NLGN1: variants seen among roughly 807,000 people sequenced by gnomAD.
The protein encoded by NLGN1 is neuroligin-1.
NLGN1 carries 12 observed loss-of-function variants against 65.5 expected under a neutral mutation model. The ratio of observed to expected loss-of-function variants is 0.18; its 90% CI spans 0.12 to 0.30. The LOEUF is 0.30. Among genes scored for constraint, NLGN1 ranks in the 10% least tolerant of loss-of-function variants. NLGN1 has a pLI of 1.00. For missense variants in NLGN1, 750 were observed against 1,007.1 expected (o/e 0.74, Z 3.46); for synonymous variants, 350 against 359.5 (o/e 0.97, Z 0.30).
chr3:173,632,837 GTTTTTTTTTTTGTT>G (rs1390330880), intron 3 of NLGN1, among the ~76,000 whole-genome samples: 3 of 117,792 alleles, frequency 2.5e-5, no homozygotes, highest in Non-Finnish European at 5.2e-5. Flanking sequence ...CTTGAGTAGT[GTTTTTTTTTTTGTT>G]TTTTTTTTTT....
intron 3 of NLGN1, among the ~76,000 whole-genome samples, chr3:173,686,697 A>G (rs1014963652): frequency 7.2e-5 from 11 of 152,118 alleles, no homozygotes; most frequent in African/African-American, 1.7e-4. Flanking sequence ...GCTCACACCT[A>G]TAATCCCAGC....
intron 4 of NLGN1, among the ~76,000 whole-genome samples, chr3:173,812,405 C>T (rs1237767765): frequency 3.9e-5 from 6 of 151,956 alleles, no homozygotes; most frequent in Admixed American, 1.3e-4. Context: ...AATAATGCTT[C>T]AAGTATTATT....
At chr3:173,894,883 C>T (rs543019105) in intron 4 of NLGN1, among the ~76,000 whole-genome samples, 5 of 146,746 alleles carry the variant, frequency 3.4e-5, no homozygotes, top group East Asian at 3.9e-4. Flanking sequence ...GTGATCCACC[C>T]GCCTCGGCCT....
chr3:174,012,876 G>C (rs1725827636), intron 4 of NLGN1, among the ~76,000 whole-genome samples: 1 of 152,084 alleles, frequency 6.6e-6, no homozygotes, highest in Admixed American at 6.6e-5. Flanking sequence ...GTTAAGCAAG[G>C]GCTTCAATTT....
intron 3 of NLGN1, among the ~76,000 whole-genome samples, chr3:173,700,405 T>A (rs1459731747): frequency 6.6e-6 from 1 of 152,218 alleles, no homozygotes; most frequent in African/African-American, 2.4e-5. Context: ...AAAGATGTAT[T>A]CAGGTCTCTG....
At chr3:174,285,655 A>C (rs1476242066) in exon 7 of NLGN1, 1 of 151,470 alleles carries the variant, frequency 6.6e-6, no homozygotes, top group East Asian at 2.0e-4. Context: ...TTCTGATTTG[A>C]TTTTATTCTG....
At chr3:174,286,852 C>T (rs1324905064), downstream of NLGN1, among the ~76,000 whole-genome samples, 1 of 150,930 alleles carries the variant, frequency 6.6e-6, no homozygotes, top group Non-Finnish European at 1.5e-5. Context: ...ATTTGGGGAG[C>T]TGGACACAAC....
chr3:173,855,856 C>T (rs1021549461), intron 4 of NLGN1, among the ~76,000 whole-genome samples: 1 of 151,986 alleles, frequency 6.6e-6, no homozygotes, highest in Admixed American at 6.6e-5. Flanking sequence ...ATTATGGTGG[C>T]CAGGTGGCAA....
chr3:173,977,081 G>A (rs1411420553), intron 4 of NLGN1, among the ~76,000 whole-genome samples: 3 of 149,202 alleles, frequency 2.0e-5, no homozygotes, highest in African/African-American at 7.4e-5. Flanking sequence ...TACTGAAGTG[G>A]AGGAAAAAGA....
At chr3:174,028,236 G>C (rs1415108448) in intron 4 of NLGN1, among the ~76,000 whole-genome samples, 3 of 152,196 alleles carry the variant, frequency 2.0e-5, no homozygotes, top group African/African-American at 7.2e-5. Flanking sequence ...CTGGGTAACA[G>C]GCAGATGTTG....
At chr3:173,635,578 A>G (rs1409505895) in intron 3 of NLGN1, among the ~76,000 whole-genome samples, 1 of 152,204 alleles carries the variant, frequency 6.6e-6, no homozygotes, top group Non-Finnish European at 1.5e-5. Flanking sequence ...TCTAAAGAAA[A>G]TGATTTCAGG....
chr3:173,512,583 A>G (rs970183872), intron 2 of NLGN1, among the ~76,000 whole-genome samples: 2 of 152,164 alleles, frequency 1.3e-5, no homozygotes, highest in African/African-American at 2.4e-5. Flanking sequence ...GGCCATAGGT[A>G]GTTTTCAAAA....
chr3:173,693,165 C>A (rs543524048), intron 3 of NLGN1, among the ~76,000 whole-genome samples: 4 of 152,162 alleles, frequency 2.6e-5, no homozygotes, highest in African/African-American at 9.6e-5. Context: ...CATCTCAAAG[C>A]AGAATAAGAT....
chr3:174,011,047 G>A (rs528649382), intron 4 of NLGN1, among the ~76,000 whole-genome samples: 8 of 152,186 alleles, frequency 5.3e-5, no homozygotes, highest in Non-Finnish European at 1.0e-4. Context: ...TACAATTTAC[G>A]TATGAATAGC....
At chr3:173,788,206 C>CAAAA (rs537790655) in intron 3 of NLGN1, among the ~76,000 whole-genome samples, 4 of 60,840 alleles carry the variant, frequency 6.6e-5, no homozygotes, top group African/African-American at 2.2e-4. Context: ...TGACATTTTG[C>CAAAA]AAAAAAAAAA....
intron 2 of NLGN1, among the ~76,000 whole-genome samples, chr3:173,517,747 AATTTATCT>A (rs1734038842): frequency 1.7e-5 from 2 of 116,136 alleles, no homozygotes; most frequent in Non-Finnish European, 3.7e-5. Flanking sequence ...TGCTTTCGCA[AATTTATCT>A]ATCTATCTAT....
At chr3:174,156,170 A>G (rs1725395523) in intron 4 of NLGN1, among the ~76,000 whole-genome samples, 1 of 151,936 alleles carries the variant, frequency 6.6e-6, no homozygotes, top group Admixed American at 6.6e-5. Context: ...TAACGCATGT[A>G]TGGAGTAAAG....
At chr3:173,481,802 A>G (rs1345274280) in intron 2 of NLGN1, among the ~76,000 whole-genome samples, 3 of 151,944 alleles carry the variant, frequency 2.0e-5, no homozygotes, top group Non-Finnish European at 2.9e-5. Flanking sequence ...TTGCATTCTT[A>G]CCAGCAGAGT....
At chr3:173,478,569 AT>A (rs1726676819) in intron 2 of NLGN1, among the ~76,000 whole-genome samples, 1 of 152,088 alleles carries the variant, frequency 6.6e-6, no homozygotes, top group Non-Finnish European at 1.5e-5. Context: ...AATTAAAAAA[AT>A]TTTTTACAAT....
Sources: allele counts gnomAD v4.1 joint callset (sites outside exome capture counted in the v4.1 genomes callset), GRCh38; gene constraint gnomAD v4.1.1; transcripts MANE v1.5; gene names NCBI Gene and HGNC (gene_info 2026-07-23, HGNC 2026-07-21).